The following THSD4 variants were observed in gnomAD, a reference collection of about 807,000 sequenced individuals.
THSD4 encodes thrombospondin type 1 domain containing 4, also known as thrombospondin type-1 domain-containing protein 4.
A neutral mutation model predicts 119.0 loss-of-function variants in THSD4; 69 were observed. The observed-to-expected ratio is 0.58, with a 90% CI of 0.48 to 0.71. The LOEUF (loss-of-function observed/expected upper bound fraction) is 0.71, where lower values mean the gene tolerates loss of function less well. Among genes scored for constraint, THSD4 ranks in the 30% least tolerant of loss-of-function variants. The pLI is 0.00. For synonymous variants in THSD4, 524 were observed against 540.4 expected (o/e 0.97, Z 0.42); for missense variants, 1,393 against 1,391.1 (o/e 1.00, Z -0.02).
In THSD4 at chr15:71,706,023, T is replaced by C. The variant is rs145282784; in HGVS notation, c.1358-22526T>C. Reference sequence around the variant, plus strand: ...ATGGTGAGGAATTGCATCTAGAGAATCATAAAGCCTCAGAGATTGTGTAAC... The same window carrying C: ...ATGGTGAGGAATTGCATCTAGAGAACCATAAAGCCTCAGAGATTGTGTAAC... On this transcript the variant is annotated intron_variant, in intron 8 of 17. Transcript: ENST00000261862. Among the ~76,000 whole-genome samples the C allele has an allele frequency of 8.9e-4, 136 of 152,180 alleles. 2 individuals carry two copies. In the East Asian group the frequency reaches 0.024, roughly 27 times the overall value.
Position 71,416,951 on chromosome 15 carries a change from G to T in THSD4, c.1152+5128G>T, listed in dbSNP as rs2046767217. Among the ~76,000 whole-genome samples, 5 of 104,736 alleles carry T rather than the reference G, an allele frequency of 4.8e-5. 2 individuals carry two copies. The South Asian group carries it at 1.5e-3, about 32-fold the overall frequency. The allele number at this position is 104,736 out of a possible 152,430, so 68.7% of individuals were successfully genotyped here. On this transcript the variant is annotated intron_variant, in intron 7 of 17. Transcript: ENST00000261862. Reference sequence around the variant, plus strand: ...TTTTTTTGTATTTTTAATAGAGTCGGGGTTTCACCATGTTAGCCAGGATGG... The same window carrying T: ...TTTTTTTGTATTTTTAATAGAGTCGTGGTTTCACCATGTTAGCCAGGATGG...
At chr15:71,247,512 C>T (rs2044215981) in intron 5 of THSD4, among the ~76,000 whole-genome samples, 1 of 152,204 alleles carries the variant, frequency 6.6e-6, no homozygotes, top group African/African-American at 2.4e-5. Context: ...CCTTTCAAAT[C>T]ACCACACAGT....
At chr15:71,486,616 T>G (rs1045516318) in intron 7 of THSD4, among the ~76,000 whole-genome samples, 1 of 50,850 alleles carries the variant, frequency 2.0e-5, no homozygotes, top group Admixed American at 3.7e-4. Flanking sequence ...TTTCTGTTTT[T>G]TTTTTTTTTT....
chr15:71,115,680 C>T lies in THSD4; in HGVS notation c.-98C>T, dbSNP rs1005835015. 13 of 146,966 alleles carry T rather than the reference C, an allele frequency of 8.8e-5. No homozygotes were observed. Among genetic ancestry groups the T allele is most frequent in the African/African-American group, 3.2e-4 (13 of 40,924 alleles). The allele number at this position is 146,966 out of a possible 1,614,324, so 9.1% of individuals were successfully genotyped here. On this transcript the variant is annotated 5_prime_UTR_variant, in exon 1 of 18. Coordinates refer to ENST00000261862, the MANE Select transcript of THSD4 (RefSeq NM_024817.3). The surrounding 1 kb of genome is among the most constrained non-coding windows in gnomAD (Gnocchi z 4.4). ...CGAGGCGAGGCGGCCGCCGGTCGCTCCGGGACGCGGACCGCCAGGTGAGCA... is the reference window on the plus strand; with the variant it reads ...CGAGGCGAGGCGGCCGCCGGTCGCTTCGGGACGCGGACCGCCAGGTGAGCA...
intron 7 of THSD4, among the ~76,000 whole-genome samples, chr15:71,524,037 C>T (rs1211344201): frequency 4.6e-5 from 7 of 152,196 alleles, no homozygotes. Flanking sequence ...CCCATACTTA[C>T]TTGACCATAG....
intron 7 of THSD4, among the ~76,000 whole-genome samples, chr15:71,475,655 G>A (rs889798818): frequency 3.3e-5 from 5 of 152,190 alleles, no homozygotes; most frequent in African/African-American, 1.2e-4. Flanking sequence ...AGGCGTGGTG[G>A]CTCATGCCTT....
At chr15:71,338,714 A>G (rs1052692894) in intron 6 of THSD4, among the ~76,000 whole-genome samples, 3 of 152,144 alleles carry the variant, frequency 2.0e-5, no homozygotes, top group Non-Finnish European at 2.9e-5. Context: ...GAAGGAAAAG[A>G]CACCCTTAAC....
intron 6 of THSD4, among the ~76,000 whole-genome samples, chr15:71,411,304 G>A (rs4545769): frequency 0.14 from 21,910 of 152,060 alleles, 1,907 homozygotes; most frequent in Admixed American, 0.23. Context: ...TCAAATATGG[G>A]GAGAGCTGAT....
intron 7 of THSD4, among the ~76,000 whole-genome samples, chr15:71,473,436 C>G (rs2047612058): frequency 6.6e-6 from 1 of 152,132 alleles, no homozygotes; most frequent in African/African-American, 2.4e-5. Flanking sequence ...AGGCCATACC[C>G]CAGCTGGAAC....
chr15:71,286,469 C>G (rs184886021), intron 6 of THSD4, among the ~76,000 whole-genome samples: 3 of 152,304 alleles, frequency 2.0e-5, no homozygotes. Flanking sequence ...CCATCCATGT[C>G]CCTGCAAAGC....
At chr15:71,755,494 C>T (rs1280001878) in intron 14 of THSD4, among the ~76,000 whole-genome samples, 1 of 151,750 alleles carries the variant, frequency 6.6e-6, no homozygotes, top group Non-Finnish European at 1.5e-5. Context: ...TAAGAAAAGA[C>T]CCAGAAACCC....
chr15:71,283,095 G>A lies in THSD4; in HGVS notation c.1015+26380G>A, dbSNP rs560838072. On this transcript the variant is annotated intron_variant, in intron 6 of 17. Coordinates refer to ENST00000261862, the MANE Select transcript of THSD4 (RefSeq NM_024817.3). ...AACGATTCTTCTGCCTCAGCCTCCCGAGTAGCTGGGACTACAGGCGCGTGC... is the reference window on the plus strand; with the variant it reads ...AACGATTCTTCTGCCTCAGCCTCCCAAGTAGCTGGGACTACAGGCGCGTGC... 7.5e-4 allele frequency among the ~76,000 whole-genome samples: 113 copies of A among 151,010 alleles called. 1 individual carries two copies. Among genetic ancestry groups the A allele is most frequent in the African/African-American group, 2.6e-3 (105 of 41,098 alleles).
intron 4 of THSD4, among the ~76,000 whole-genome samples, chr15:71,231,617 A>G (rs1025455509): frequency 2.0e-5 from 3 of 152,040 alleles, no homozygotes; most frequent in Non-Finnish European, 4.4e-5. Context: ...TCTTTCCTAA[A>G]GGCTCAGAGC....
intron 6 of THSD4, among the ~76,000 whole-genome samples, chr15:71,332,645 G>A (rs1279137046): frequency 1.3e-5 from 2 of 152,094 alleles, no homozygotes; most frequent in Non-Finnish European, 2.9e-5. Context: ...TTTATGGCCC[G>A]ATTGCTGTCA....
At chr15:71,406,680 G>A (rs923154795) in intron 6 of THSD4, among the ~76,000 whole-genome samples, 1 of 149,856 alleles carries the variant, frequency 6.7e-6, no homozygotes, top group Non-Finnish European at 1.5e-5. Context: ...GTGTGTGTGT[G>A]TGTGTGTGTG....
chr15:71,427,697 G>A (rs1308926194), intron 7 of THSD4, among the ~76,000 whole-genome samples: 1 of 150,850 alleles, frequency 6.6e-6, no homozygotes, highest in African/African-American at 2.4e-5. Context: ...TCTACTTCTG[G>A]TGGTGCCATT....
At chr15:71,605,592 A>AG (rs2050093858) in intron 7 of THSD4, among the ~76,000 whole-genome samples, 1 of 152,226 alleles carries the variant, frequency 6.6e-6, no homozygotes, top group African/African-American at 2.4e-5. Context: ...CAGCCTGAAC[A>AG]GGGGGAAGGA....
intron 3 of THSD4, among the ~76,000 whole-genome samples, chr15:71,174,796 C>T (rs2043429557): frequency 6.6e-6 from 1 of 152,008 alleles, no homozygotes; most frequent in African/African-American, 2.4e-5. Flanking sequence ...GATCTGAGAA[C>T]GTGCAGACTG....
At chr15:71,652,692 A>G (rs1369406683) in intron 7 of THSD4, among the ~76,000 whole-genome samples, 1 of 152,180 alleles carries the variant, frequency 6.6e-6, no homozygotes, top group African/African-American at 2.4e-5. Context: ...GTTTTATCCT[A>G]CAAGAGCGCC....
Sources: allele counts gnomAD v4.1 joint callset (sites outside exome capture counted in the v4.1 genomes callset), GRCh38; gene constraint gnomAD v4.1.1; non-coding constraint Gnocchi (gnomAD v3.1); transcripts MANE v1.5; gene names NCBI Gene and HGNC (gene_info 2026-07-23, HGNC 2026-07-21).